The following MTUS2 variants were observed in gnomAD, a reference collection of about 807,000 sequenced individuals.
MTUS2 encodes the protein microtubule-associated tumor suppressor candidate 2.
A neutral mutation model predicts 114.1 loss-of-function variants in MTUS2; 40 were observed. That is an observed-to-expected ratio of 0.35 (90% CI 0.27 to 0.46). The LOEUF (loss-of-function observed/expected upper bound fraction) is 0.46. Ranked by LOEUF, MTUS2 falls within the 20% of genes least tolerant of loss-of-function variation. MTUS2 has a pLI of 1.00. For missense variants in MTUS2, 1,679 were observed against 1,705.4 expected (o/e 0.98, Z 0.27); for synonymous variants, 688 against 672.0 (o/e 1.02, Z -0.37).
At chr13:28,997,711 A>C (rs1885180627) in intron 2 of MTUS2, among the ~76,000 whole-genome samples, 1 of 151,760 alleles carries the variant, frequency 6.6e-6, no homozygotes, top group South Asian at 2.1e-4. Flanking sequence ...TAGGATTGCA[A>C]CCCCTGCTTT....
At chr13:28,971,936 C>T (rs1883875597) in intron 2 of MTUS2, among the ~76,000 whole-genome samples, 1 of 152,210 alleles carries the variant, frequency 6.6e-6, no homozygotes, top group South Asian at 2.1e-4. Context: ...TGCATGCAAA[C>T]AGCCATGCTG....
chr13:28,900,443 C>T (rs1879578017), intron 2 of MTUS2, among the ~76,000 whole-genome samples: 1 of 152,198 alleles, frequency 6.6e-6, no homozygotes, highest in African/African-American at 2.4e-5. Context: ...TTCCCCCAAC[C>T]TGCTCTCTGC....
intron 5 of MTUS2, among the ~76,000 whole-genome samples, chr13:29,174,166 A>G (rs1055308430): frequency 3.3e-5 from 5 of 152,238 alleles, no homozygotes; most frequent in South Asian, 2.1e-4. Context: ...TTTATCCCAG[A>G]TGGTTCCATG....
chr13:29,243,685 A>G (rs575249342), intron 5 of MTUS2, among the ~76,000 whole-genome samples: 1 of 152,190 alleles, frequency 6.6e-6, no homozygotes, highest in Non-Finnish European at 1.5e-5. Context: ...GAAAATATTA[A>G]TATAAGAGAG....
At chr13:29,432,013 T>TA (rs1877031468) in intron 8 of MTUS2, among the ~76,000 whole-genome samples, 1 of 143,684 alleles carries the variant, frequency 7.0e-6, no homozygotes, top group African/African-American at 2.8e-5. Flanking sequence ...CTCAGCTATT[T>TA]TTTTTTTTTT....
intron 4 of MTUS2, among the ~76,000 whole-genome samples, chr13:29,036,579 G>A (rs1887085344): frequency 6.6e-6 from 1 of 152,120 alleles, no homozygotes; most frequent in African/African-American, 2.4e-5. Flanking sequence ...ATTTTGTCTC[G>A]TTGATCTGTC....
At chr13:29,030,919 C>A (rs1325702044) in intron 3 of MTUS2, among the ~76,000 whole-genome samples, 1 of 152,068 alleles carries the variant, frequency 6.6e-6, no homozygotes, top group African/African-American at 2.4e-5. Context: ...TTTAAAACTT[C>A]CAGAAGTGGC....
At chr13:29,252,660 G>C (rs936363008) in intron 5 of MTUS2, among the ~76,000 whole-genome samples, 1 of 152,072 alleles carries the variant, frequency 6.6e-6, no homozygotes, top group African/African-American at 2.4e-5. Context: ...GACCCAGTAG[G>C]AAATAATTGA....
intron 5 of MTUS2, among the ~76,000 whole-genome samples, chr13:29,105,888 G>A (rs2138843452): frequency 6.6e-6 from 1 of 152,262 alleles, no homozygotes; most frequent in South Asian, 2.1e-4. Flanking sequence ...TGAACTCTAG[G>A]AGATCTTTGG....
intron 7 of MTUS2, among the ~76,000 whole-genome samples, chr13:29,326,417 A>T (rs1476931248): frequency 6.6e-6 from 1 of 152,212 alleles, no homozygotes; most frequent in East Asian, 1.9e-4. Flanking sequence ...AATAATATGT[A>T]ATTTTAGACT....
chr13:29,241,138 A>C (rs1202790765), intron 5 of MTUS2, among the ~76,000 whole-genome samples: 1 of 152,206 alleles, frequency 6.6e-6, no homozygotes, highest in Non-Finnish European at 1.5e-5. Flanking sequence ...ACCCTTCAAC[A>C]GAGTTGAAAG....
intron 2 of MTUS2, among the ~76,000 whole-genome samples, chr13:29,009,324 ATGAACCT>A (rs962889768): frequency 2.0e-4 from 30 of 151,052 alleles, no homozygotes; most frequent in Non-Finnish European, 3.8e-4. Flanking sequence ...GACAATATGG[ATGAACCT>A]TGAATGCAAT....
At chr13:28,928,796 A>G (rs543674857) in intron 2 of MTUS2, among the ~76,000 whole-genome samples, 1 of 152,366 alleles carries the variant, frequency 6.6e-6, no homozygotes, top group Non-Finnish European at 1.5e-5. Context: ...TTACGGCAGC[A>G]TTATTCACAA....
intron 7 of MTUS2, among the ~76,000 whole-genome samples, chr13:29,340,353 G>A (rs1438740848): frequency 6.6e-6 from 1 of 152,258 alleles, no homozygotes; most frequent in African/African-American, 2.4e-5. Context: ...CCTGTTGACA[G>A]AAGGGTGCTG....
In MTUS2 at chr13:29,034,002, A is replaced by G. The variant is rs771889987; in HGVS notation, c.2323A>G (p.Met775Val). The stretch of plus-strand genomic sequence containing the variant: ...TAAGCCCCAGCTAGGATTGGGTGCA[A>G]TGTCCCGTTTACCATCTGCAAAGAG... ...LLKPQLGLGAMSRLPSAKSRI... is the reference protein window; with the variant it reads ...LLKPQLGLGAVSRLPSAKSRI... The change falls in exon 4 of 16, where the codon ATG becomes GTG. Residue 775 changes from methionine to valine, a missense_variant. Coordinates refer to ENST00000612955, the MANE Select transcript of MTUS2 (RefSeq NM_001033602.4). The G allele has an allele frequency of 5.0e-6, 8 of 1,613,798 alleles. No individual in the cohort carries two copies. In the East Asian group the frequency reaches 1.3e-4, roughly 27 times the overall value.
intron 5 of MTUS2, among the ~76,000 whole-genome samples, chr13:29,185,111 A>G (rs1009536401): frequency 6.6e-6 from 1 of 152,152 alleles, no homozygotes; most frequent in Non-Finnish European, 1.5e-5. Context: ...TAGAATAGAA[A>G]ATCTAGAGTT....
At chr13:29,199,132 C>T (rs751209596) in intron 5 of MTUS2, among the ~76,000 whole-genome samples, 13 of 152,076 alleles carry the variant, frequency 8.5e-5, no homozygotes, top group Non-Finnish European at 1.6e-4. Context: ...GCCATATAGC[C>T]AAGACAATCC....
rs1297335300 is a variant in MTUS2 at position 28,877,621 on chromosome 13, G to A, written c.-243+37771G>A. ...CGAAACTTGTTCAGTTAAAAGAAGT[G>A]AATTTGGTGTGAGATTACTATAAAT... On this transcript the variant is annotated intron_variant, in intron 2 of 15. Coordinates refer to ENST00000612955, the MANE Select transcript of MTUS2 (RefSeq NM_001033602.4). Among the ~76,000 whole-genome samples the A allele has an allele frequency of 2.6e-5, 4 of 152,144 alleles. No individual in the cohort carries two copies. In the East Asian group the frequency reaches 7.7e-4, roughly 29 times the overall value.
chr13:29,503,293 G>A lies in MTUS2; in HGVS notation c.*87G>A, dbSNP rs1050212420. 1 of 1,470,576 alleles carries A rather than the reference G, an allele frequency of 6.8e-7. No homozygotes were observed. The highest frequency in any genetic ancestry group is 9.3e-7 in the Non-Finnish European group (1 of 1,072,190). 91.1% of individuals were successfully genotyped at this position (1,470,576 alleles called of 1,614,324 possible). ...CACCGACCCGGTGCCGCCGGAGCTG[G>A]CCCTGTGCGCATGCTCAGTAGCTGC... On this transcript the variant is annotated 3_prime_UTR_variant, in exon 16 of 16. Coordinates refer to ENST00000612955, the MANE Select transcript of MTUS2 (RefSeq NM_001033602.4).
Sources: gnomAD v4.1 joint callset for allele counts (sites outside exome capture counted in the v4.1 genomes callset) on GRCh38, gnomAD v4.1.1 for gene constraint, MANE v1.5 for transcripts, NCBI Gene and HGNC (gene_info 2026-07-23, HGNC 2026-07-21) for gene names.